PACRG: variants seen among roughly 807,000 people sequenced by gnomAD.
PACRG encodes the protein parkin coregulated gene protein.
Under a neutral mutation model 29.7 loss-of-function variants are expected in PACRG, and 29 were observed. That is an observed-to-expected ratio of 0.98 (90% CI 0.73 to 1.33). The LOEUF is 1.33. PACRG is among the 40% of genes most tolerant of loss of function. The pLI, the probability that PACRG is intolerant of heterozygous loss-of-function variation, is 0.00. For missense variants in PACRG, 279 were observed against 316.2 expected, an observed-to-expected ratio of 0.88 and a Z score of 0.89; for synonymous variants, 116 against 118.7, an observed-to-expected ratio of 0.98 and a Z score of 0.15.
intron 2 of PACRG, among the ~76,000 whole-genome samples, chr6:162,956,635 G>A (rs1800060438): frequency 6.6e-6 from 1 of 152,200 alleles, no homozygotes; most frequent in Admixed American, 6.5e-5. Flanking sequence ...GGTGGTCTCA[G>A]TCAGTCCTTG....
intron 2 of PACRG, among the ~76,000 whole-genome samples, chr6:163,056,792 A>G (rs1220933035): frequency 6.6e-6 from 1 of 152,148 alleles, no homozygotes; most frequent in Non-Finnish European, 1.5e-5. Context: ...CCCAGGATGG[A>G]GTTGCTTTGG....
At chr6:162,808,326 A>C (rs1424322827) in intron 1 of PACRG, among the ~76,000 whole-genome samples, 1 of 152,246 alleles carries the variant, frequency 6.6e-6, no homozygotes, top group Non-Finnish European at 1.5e-5. Context: ...GATGAAAACA[A>C]GTAATCAATA....
intron 3 of PACRG, among the ~76,000 whole-genome samples, chr6:163,083,504 T>C (rs1310374063): frequency 6.6e-6 from 1 of 152,164 alleles, no homozygotes; most frequent in African/African-American, 2.4e-5. Flanking sequence ...CTTGGGTACA[T>C]GTCAGGACGT....
At chr6:163,305,560 T>C (rs545234077) in intron 4 of PACRG, among the ~76,000 whole-genome samples, 1 of 152,258 alleles carries the variant, frequency 6.6e-6, no homozygotes, top group Admixed American at 6.5e-5. Flanking sequence ...AGACTAAAAA[T>C]AAATCATAAT....
chr6:163,062,456 G>A, intron 3 of PACRG, 135 bp downstream of exon 3: 2 of 1,061,460 alleles, frequency 1.9e-6, no homozygotes, highest in East Asian at 2.7e-5. Context: ...TGACTTAGGA[G>A]GCCAGACAAC....
intron 2 of PACRG, among the ~76,000 whole-genome samples, chr6:162,874,217 T>C (rs981911705): frequency 2.6e-5 from 4 of 151,622 alleles, no homozygotes; most frequent in Non-Finnish European, 4.4e-5. Flanking sequence ...TTGAGTTTTT[T>C]TGTAACTTTA....
chr6:163,145,841 G>A (rs1777775724), intron 4 of PACRG, among the ~76,000 whole-genome samples: 1 of 152,152 alleles, frequency 6.6e-6, no homozygotes, highest in Non-Finnish European at 1.5e-5. Context: ...GTGTGTCTAG[G>A]GGGCACTGAC....
At chr6:162,835,143 A>G (rs1186782181) in intron 2 of PACRG, among the ~76,000 whole-genome samples, 1 of 151,934 alleles carries the variant, frequency 6.6e-6, no homozygotes, top group Non-Finnish European at 1.5e-5. Flanking sequence ...TTATTTTTTC[A>G]TTATCTTAGT....
At chr6:163,092,667 A>T (rs1453203074) in intron 4 of PACRG, among the ~76,000 whole-genome samples, 1 of 152,190 alleles carries the variant, frequency 6.6e-6, no homozygotes, top group Non-Finnish European at 1.5e-5. Flanking sequence ...TCTACACAAG[A>T]TATGCATCGT....
chr6:163,280,840 T>C (rs1315167922), intron 4 of PACRG, among the ~76,000 whole-genome samples: 1 of 152,064 alleles, frequency 6.6e-6, no homozygotes, highest in Non-Finnish European at 1.5e-5. Flanking sequence ...AGAGGTCCCA[T>C]CTCCAGATAC....
intron 2 of PACRG, among the ~76,000 whole-genome samples, chr6:162,996,452 T>G (rs1421194818): frequency 6.6e-6 from 1 of 152,048 alleles, no homozygotes. Context: ...TGATCCAAAA[T>G]AGACCCCCCC....
chr6:162,911,189 A>G (rs1400361889), intron 2 of PACRG, among the ~76,000 whole-genome samples: 1 of 152,222 alleles, frequency 6.6e-6, no homozygotes, highest in Non-Finnish European at 1.5e-5. Context: ...ACATTCATTT[A>G]TTTCTGCTTT....
At chr6:162,968,867 C>G (rs949814631) in intron 2 of PACRG, among the ~76,000 whole-genome samples, 3 of 151,552 alleles carry the variant, frequency 2.0e-5, no homozygotes, top group African/African-American at 4.9e-5. Flanking sequence ...GCCAACATGG[C>G]GAAACCCCGT....
chr6:163,160,433 G>A (rs1042354015), intron 4 of PACRG, among the ~76,000 whole-genome samples: 5 of 152,128 alleles, frequency 3.3e-5, no homozygotes, highest in Admixed American at 3.3e-4. Flanking sequence ...AAGTATATTT[G>A]TGTTCATTTC....
rs375214391 is a variant in PACRG, at chr6:163,072,769, C to T, written c.463+10448C>T. 1.4e-4 allele frequency among the ~76,000 whole-genome samples: 22 copies of T among 152,186 alleles called. 1 individual carries two copies. The highest frequency in any genetic ancestry group is 4.8e-4 in the African/African-American group (20 of 41,540). On this transcript the variant is annotated intron_variant, in intron 3 of 4. Coordinates refer to ENST00000366888, the MANE Select transcript of PACRG (RefSeq NM_001080379.2). The stretch of plus-strand genomic sequence containing the variant: ...AACAAATTCGTAAAGTAGCAGGATA[C>T]GAAATCAACAAACAAAAATCATTAG...
chr6:163,193,552 C>T (rs907711435), intron 4 of PACRG, among the ~76,000 whole-genome samples: 7 of 152,066 alleles, frequency 4.6e-5, no homozygotes, highest in Non-Finnish European at 7.4e-5. Context: ...GTGCTATGTG[C>T]GGAACAGGGC....
chr6:163,076,677 C>T (rs1160188031), intron 3 of PACRG, among the ~76,000 whole-genome samples: 3 of 152,246 alleles, frequency 2.0e-5, no homozygotes, highest in Admixed American at 2.0e-4. Context: ...TGCCGTAGAA[C>T]TTGCCTTGCA....
rs1467148852 is a variant in PACRG, at chr6:162,947,346, A to G, written c.292-114804A>G. Reference sequence around the variant, plus strand: ...AATACATATAATCATATATATAATGATTACATATATATAATGTAATCATAT... The same window carrying G: ...AATACATATAATCATATATATAATGGTTACATATATATAATGTAATCATAT... On this transcript the variant is annotated intron_variant, in intron 2 of 4. Transcript: ENST00000366888. 2.4e-4 allele frequency among the ~76,000 whole-genome samples: 4 copies of G among 16,966 alleles called. 1 individual carries two copies. Among genetic ancestry groups the G allele is most frequent in the African/African-American group, 4.9e-4 (4 of 8,104 alleles). 11.1% of individuals were successfully genotyped at this position (16,966 alleles called of 152,430 possible). A position where few individuals can be genotyped will look rare whatever the true frequency, so the allele number is the denominator to read the frequency against.
At chr6:162,899,371 A>T (rs1185715499) in intron 2 of PACRG, among the ~76,000 whole-genome samples, 1 of 152,120 alleles carries the variant, frequency 6.6e-6, no homozygotes, top group Non-Finnish European at 1.5e-5. Flanking sequence ...CCCAGGAATG[A>T]GTCAGGGCCC....
Sources: gnomAD v4.1 joint callset for allele counts (sites outside exome capture counted in the v4.1 genomes callset) on GRCh38, gnomAD v4.1.1 for gene constraint, MANE v1.5 for transcripts, NCBI Gene and HGNC (gene_info 2026-07-23, HGNC 2026-07-21) for gene names.